ATXN1: variants seen among roughly 807,000 people sequenced by gnomAD.
The protein encoded by ATXN1 is ataxin-1.
A neutral mutation model predicts 56.4 loss-of-function variants in ATXN1; 8 were observed. The ratio of observed to expected loss-of-function variants is 0.14; its 90% confidence interval spans 0.08 to 0.26. The LOEUF (loss-of-function observed/expected upper bound fraction) is 0.26. Among genes scored for constraint, ATXN1 ranks in the 10% least tolerant of loss-of-function variants. The pLI is 1.00. For synonymous variants in ATXN1, 514 were observed against 494.6 expected (o/e 1.04, Z -0.52); for missense variants, 987 against 1,106.5 (o/e 0.89, Z 1.53).
intron 3 of ATXN1, among the ~76,000 whole-genome samples, chr6:16,657,313 G>GT (rs1202049425): frequency 6.6e-6 from 1 of 152,160 alleles, no homozygotes; most frequent in East Asian, 1.9e-4. Flanking sequence ...TGGGACCACT[G>GT]TAATACGTGT....
At chr6:16,614,981 G>A (rs1763181181) in intron 3 of ATXN1, 1 of 150,976 alleles carries the variant, frequency 6.6e-6, no homozygotes, top group Non-Finnish European at 1.5e-5. Flanking sequence ...AAATTTTCTA[G>A]AAACATTAAA....
chr6:16,521,513 G>A (rs1287734670), intron 5 of ATXN1, among the ~76,000 whole-genome samples: 9 of 152,192 alleles, frequency 5.9e-5, no homozygotes, highest in African/African-American at 1.2e-4. Context: ...AGCCGAGATC[G>A]TGCCACTGCA....
In ATXN1 at chr6:16,306,696, G is replaced by A; in HGVS notation, c.2081C>T (p.Ser694Phe). The A allele has an allele frequency of 6.2e-7, 1 of 1,614,176 alleles. No individual in the cohort carries two copies. The highest frequency in any genetic ancestry group is 8.5e-7 in the Non-Finnish European group (1 of 1,180,038). ...SLTLKNLKNG[S>F]VKKGQPVDPA... ...ATCCACGGGCTGGCCCTTTTTAACA[G>A]AGCCGTTCTTCAGGTTCTTGAGGGT... Residue 694 changes from serine to phenylalanine, a missense_variant, in exon 8 of 8, where the codon TCT becomes TTT. Ser to Phe is a radical substitution (Grantham distance 155). Coordinates refer to ENST00000436367, the MANE Select transcript of ATXN1 (RefSeq NM_001128164.2). This position sits in a 1 kb window ranked among gnomAD's most constrained non-coding sequence, Gnocchi z 5.2.
At chr6:16,408,809 T>C (rs1296788895) in intron 6 of ATXN1, among the ~76,000 whole-genome samples, 5 of 152,194 alleles carry the variant, frequency 3.3e-5, no homozygotes, top group Non-Finnish European at 1.5e-5. Flanking sequence ...GGCATGTTCT[T>C]AGCTCACTGC....
intron 6 of ATXN1, among the ~76,000 whole-genome samples, chr6:16,389,064 T>C (rs565215275): frequency 5.3e-5 from 8 of 152,288 alleles, no homozygotes; most frequent in Non-Finnish European, 8.8e-5. Context: ...TGGCCCGGCG[T>C]GGTGGCTCAC....
intron 4 of ATXN1, among the ~76,000 whole-genome samples, chr6:16,528,010 G>A (rs1409814153): frequency 6.6e-6 from 1 of 152,080 alleles, no homozygotes; most frequent in Non-Finnish European, 1.5e-5. Context: ...ACACCATCAA[G>A]ACTAAATCTG....
intron 6 of ATXN1, among the ~76,000 whole-genome samples, chr6:16,481,718 T>G (rs1760443659): frequency 6.6e-6 from 1 of 152,070 alleles, no homozygotes; most frequent in East Asian, 1.9e-4. Context: ...CAGCACACCA[T>G]TTTTTCATTC....
intron 6 of ATXN1, among the ~76,000 whole-genome samples, chr6:16,414,574 C>T (rs1472986748): frequency 6.6e-6 from 1 of 152,188 alleles, no homozygotes; most frequent in Non-Finnish European, 1.5e-5. Context: ...ATAGTTCAAA[C>T]TTGTACTCAC....
At chr6:16,618,619 G>C (rs1763262796) in intron 3 of ATXN1, among the ~76,000 whole-genome samples, 1 of 151,976 alleles carries the variant, frequency 6.6e-6, no homozygotes, top group Non-Finnish European at 1.5e-5. Context: ...GTAGTCTGGA[G>C]GCTGAAGCAG....
chr6:16,532,163 C>T (rs1465226378), intron 4 of ATXN1, among the ~76,000 whole-genome samples: 2 of 152,178 alleles, frequency 1.3e-5, no homozygotes, highest in Non-Finnish European at 2.9e-5. Context: ...TTGTCAATAC[C>T]TGGTCTAGAA....
intron 4 of ATXN1, among the ~76,000 whole-genome samples, chr6:16,554,100 T>A (rs1205264136): frequency 6.6e-6 from 1 of 152,220 alleles, no homozygotes; most frequent in Non-Finnish European, 1.5e-5. Context: ...TGTAAGTAGA[T>A]TAGGATATGT....
At chr6:16,371,716 ATTTATTTTTATT>A (rs199939933) in intron 6 of ATXN1, among the ~76,000 whole-genome samples, 251 of 151,358 alleles carry the variant, frequency 1.7e-3, no homozygotes, top group African/African-American at 4.8e-3. Context: ...ATGCCTGGTT[ATTTATTTTTATT>A]TTTATTTTTA....
intron 6 of ATXN1, among the ~76,000 whole-genome samples, chr6:16,462,064 T>C (rs1409580505): frequency 6.6e-6 from 1 of 152,112 alleles, no homozygotes; most frequent in Non-Finnish European, 1.5e-5. Flanking sequence ...AACAAAACGT[T>C]AAAAACCTAC....
chr6:16,578,180 G>A lies in ATXN1; in HGVS notation c.-361+7600C>T, dbSNP rs147490733. Among the ~76,000 whole-genome samples the A allele has an allele frequency of 1.7e-3, 251 of 152,094 alleles. 1 individual carries two copies. Among genetic ancestry groups the A allele is most frequent in the African/African-American group, 5.5e-3 (227 of 41,492 alleles). ...TTTAATCTCTAAATTTTTTGGTAAC[G>A]TTCTATTTTCTGGTTAAACTAAAAT... On this transcript the variant is annotated intron_variant, in intron 4 of 7. Coordinates refer to ENST00000436367, the MANE Select transcript of ATXN1 (RefSeq NM_001128164.2).
In ATXN1 at chr6:16,568,662, AG is replaced by A. The variant is rs1490881962; in HGVS notation, c.-361+17117del. On this transcript the variant is annotated intron_variant, in intron 4 of 7. Coordinates refer to ENST00000436367, the MANE Select transcript of ATXN1 (RefSeq NM_001128164.2). ...TTTTTCGGTACCTGGAAACAACCAA[AG>A]TTTTTTTTTTCTGGCATCTGTCTGC... 2.7e-5 allele frequency among the ~76,000 whole-genome samples: 3 copies of A among 113,204 alleles called. No individual in the cohort carries two copies. In the South Asian group the frequency reaches 1.2e-3, roughly 47 times the overall value. The allele number at this position is 113,204 out of a possible 152,430, so 74.3% of individuals were successfully genotyped here. A position where few individuals can be genotyped will look rare whatever the true frequency, so the allele number is the denominator to read the frequency against.
At chr6:16,504,535 T>C (rs993599939) in intron 5 of ATXN1, among the ~76,000 whole-genome samples, 4 of 152,338 alleles carry the variant, frequency 2.6e-5, no homozygotes, top group Non-Finnish European at 5.9e-5. Context: ...AACTGGTATC[T>C]ATTTCATATT....
At chr6:16,656,803 T>G (rs1364100332) in intron 3 of ATXN1, among the ~76,000 whole-genome samples, 3 of 152,116 alleles carry the variant, frequency 2.0e-5, no homozygotes, top group Non-Finnish European at 4.4e-5. Context: ...CAGGCCTGGA[T>G]GGTACACCCT....
chr6:16,756,696 A>G (rs72827837), intron 1 of ATXN1, among the ~76,000 whole-genome samples: 4,681 of 152,326 alleles, frequency 0.031, 89 homozygotes, highest in Non-Finnish European at 0.046. Flanking sequence ...GTCTTACTTC[A>G]CTATTGTCAC....
intron 5 of ATXN1, among the ~76,000 whole-genome samples, chr6:16,514,677 G>C (rs1358901992): frequency 6.6e-6 from 1 of 152,084 alleles, no homozygotes; most frequent in Non-Finnish European, 1.5e-5. Flanking sequence ...CAATCCCTGG[G>C]TTCTGCCACA....
Sources: gnomAD v4.1 joint callset for allele counts (sites outside exome capture counted in the v4.1 genomes callset) on GRCh38, gnomAD v4.1.1 for gene constraint, Gnocchi (gnomAD v3.1) non-coding constraint, MANE v1.5 for transcripts, NCBI Gene and HGNC (gene_info 2026-07-23, HGNC 2026-07-21) for gene names.